GRIK3: variants seen among roughly 807,000 people sequenced by gnomAD.
The protein encoded by GRIK3 is glutamate ionotropic receptor kainate type subunit 3.
In GRIK3, 29 loss-of-function variants were observed where a neutral mutation model predicts 102.5. The observed-to-expected ratio is 0.28, with a 90% confidence interval of 0.21 to 0.39. The LOEUF is 0.39. GRIK3 is among the 10% of genes least tolerant of loss of function. The pLI is 1.00. For synonymous variants in GRIK3, 511 were observed against 504.9 expected (o/e 1.01, Z -0.16); for missense variants, 908 against 1,252.4 (o/e 0.73, Z 4.15).
chr1:36,924,113 C>T (rs916857166), intron 1 of GRIK3, among the ~76,000 whole-genome samples: 1 of 152,212 alleles, frequency 6.6e-6, no homozygotes, highest in Admixed American at 6.5e-5. Context: ...AGGGAGGGCA[C>T]TGCCAGGGCA....
At chr1:36,856,591 G>T (rs945814853) in intron 7 of GRIK3, among the ~76,000 whole-genome samples, 1 of 152,212 alleles carries the variant, frequency 6.6e-6, no homozygotes, top group Non-Finnish European at 1.5e-5. Flanking sequence ...TCTGAGGTTC[G>T]GTTGTGGCCA....
intron 1 of GRIK3, among the ~76,000 whole-genome samples, chr1:36,907,694 C>T (rs1500788): frequency 0.84 from 127,189 of 151,996 alleles, 54,354 homozygotes; most frequent in Admixed American, 0.92. Flanking sequence ...GAGGCTGCCC[C>T]TCCACCCCCA....
rs115500320 is a variant in GRIK3 at position 36,898,190 on chromosome 1, G to A, written c.116-7094C>T. Among the ~76,000 whole-genome samples, 796 of 152,136 alleles carry A rather than the reference G, an allele frequency of 5.2e-3. 2 individuals carry two copies. The highest frequency in any genetic ancestry group is 0.018 in the African/African-American group (760 of 41,508). On this transcript the variant is annotated intron_variant, in intron 1 of 15. Transcript: ENST00000373091. ...TTAATAGGTACAAAATAGATAACTA[G>A]AAAGAATTAATAAGACCTAGTATTT...
At position 36,801,964 on chromosome 1, in the gene GRIK3, G is replaced by T. The variant is rs762224911; in HGVS notation, c.2647C>A (p.Pro883Thr). 1 of 1,613,974 alleles carries T rather than the reference G, an allele frequency of 6.2e-7. No individual in the cohort carries two copies. Among genetic ancestry groups the T allele is most frequent in the East Asian group, 2.2e-5 (1 of 44,896 alleles). The change falls in exon 16 of 16, where the codon CCC (proline) becomes ACC (threonine). Residue 883 changes from proline to threonine, a missense_variant. Pro to Thr is a conservative substitution (Grantham distance 38). This residue lies in a region of GRIK3 where 297 missense variants were observed against 362.7 expected (regional missense o/e 0.82). Transcript: ENST00000373091. Reference protein sequence around the residue: ...QRRVKHKPQPPMMVKTDAVIN... With the variant: ...QRRVKHKPQPTMMVKTDAVIN... Reference sequence around the variant, plus strand: ...ACGGCGTCAGTCTTGACCATCATGGGAGGCTGAGGCTTGTGCTTGACTCGA... The same window carrying T: ...ACGGCGTCAGTCTTGACCATCATGGTAGGCTGAGGCTTGTGCTTGACTCGA...
intron 1 of GRIK3, among the ~76,000 whole-genome samples, chr1:36,963,672 G>A (rs1185508187): frequency 6.6e-6 from 1 of 152,202 alleles, no homozygotes; most frequent in Admixed American, 6.5e-5. Context: ...TCTATAAAGA[G>A]GAGTGAGAGT....
At chr1:36,802,114 C>A in intron 15 of GRIK3, 69 bp from the exon 16 acceptor site, 1 of 1,104,378 alleles carries the variant, frequency 9.1e-7, no homozygotes, top group Non-Finnish European at 1.3e-6. Context: ...CAACTCCAGC[C>A]AGTTCCTCCC....
At chr1:36,938,662 C>T (rs776121544) in intron 1 of GRIK3, among the ~76,000 whole-genome samples, 9 of 152,130 alleles carry the variant, frequency 5.9e-5, no homozygotes, top group Non-Finnish European at 7.4e-5. Context: ...CCCCCAGCCC[C>T]ACCTCTTTTA....
At chr1:36,940,170 G>C (rs534589695) in intron 1 of GRIK3, among the ~76,000 whole-genome samples, 1 of 152,244 alleles carries the variant, frequency 6.6e-6, no homozygotes, top group African/African-American at 2.4e-5. Flanking sequence ...TCATGGAGAG[G>C]AAATGGAGGC....
chr1:36,998,707 C>G (rs1347999336), intron 1 of GRIK3, among the ~76,000 whole-genome samples: 1 of 152,140 alleles, frequency 6.6e-6, no homozygotes, highest in Non-Finnish European at 1.5e-5. Context: ...CAGAGAAGCC[C>G]CCTTTACTTC....
At chr1:36,843,579 C>T (rs942219859) in intron 9 of GRIK3, among the ~76,000 whole-genome samples, 5 of 152,176 alleles carry the variant, frequency 3.3e-5, no homozygotes, top group Admixed American at 2.0e-4. Flanking sequence ...CCTGTCTGTT[C>T]CCTGGGGTCA....
At chr1:37,017,899 T>A (rs1642670954) in intron 1 of GRIK3, among the ~76,000 whole-genome samples, 1 of 152,164 alleles carries the variant, frequency 6.6e-6, no homozygotes. Flanking sequence ...GATGGATGGG[T>A]AATGAGTCCT....
At chr1:36,961,710 C>A (rs1046978317) in intron 1 of GRIK3, among the ~76,000 whole-genome samples, 5 of 152,248 alleles carry the variant, frequency 3.3e-5, no homozygotes, top group Non-Finnish European at 1.5e-5. Flanking sequence ...TCGATGAAAT[C>A]ATTTTGCCGA....
chr1:36,833,095 G>A (rs529723571), intron 10 of GRIK3, among the ~76,000 whole-genome samples: 82 of 152,298 alleles, frequency 5.4e-4, no homozygotes, highest in African/African-American at 1.7e-3. Context: ...AGGGATTAAC[G>A]CAAAGCCTGG....
rs113675286 is a variant in GRIK3, at chr1:36,931,776, G to A, written c.116-40680C>T. 4.1e-3 allele frequency among the ~76,000 whole-genome samples: 630 copies of A among 152,104 alleles called. 6 individuals are homozygous for A. Among genetic ancestry groups the A allele is most frequent in the African/African-American group, 0.015 (605 of 41,498 alleles). ...CGGCGTGTGCAGCCCCTTCTGTCTG[G>A]GTCTCAATGCTGTGTCTCTGGCATC... is the stretch of plus-strand genomic sequence containing the variant. On this transcript the variant is annotated intron_variant, in intron 1 of 15. Transcript: ENST00000373091.
chr1:36,820,761 C>T (rs1054083839), intron 11 of GRIK3, among the ~76,000 whole-genome samples: 4 of 152,060 alleles, frequency 2.6e-5, no homozygotes, highest in South Asian at 2.1e-4. Context: ...GAGAACAATG[C>T]GTTATATAAT....
intron 1 of GRIK3, among the ~76,000 whole-genome samples, chr1:36,953,692 C>A (rs1397411182): frequency 6.6e-6 from 1 of 151,946 alleles, no homozygotes; most frequent in Non-Finnish European, 1.5e-5. Context: ...CACAGGTTTC[C>A]AGCTCACGGA....
intron 1 of GRIK3, among the ~76,000 whole-genome samples, chr1:36,967,079 C>G (rs116677687): frequency 1.3e-5 from 2 of 152,310 alleles, no homozygotes; most frequent in Non-Finnish European, 2.9e-5. Flanking sequence ...GAGACAACAT[C>G]TCACACAGTT....
At chr1:36,883,394 C>A (rs1220810231) in intron 2 of GRIK3, among the ~76,000 whole-genome samples, 4 of 152,174 alleles carry the variant, frequency 2.6e-5, no homozygotes, top group African/African-American at 9.7e-5. Context: ...CCATAAGGGG[C>A]CTTGCATTCT....
intron 1 of GRIK3, among the ~76,000 whole-genome samples, chr1:37,008,101 C>A (rs1394360647): frequency 6.6e-6 from 1 of 152,210 alleles, no homozygotes; most frequent in Non-Finnish European, 1.5e-5. Context: ...ATGTCCCCTC[C>A]CAGCACGCGG....
Sources: allele counts gnomAD v4.1 joint callset (sites outside exome capture counted in the v4.1 genomes callset), GRCh38; gene constraint gnomAD v4.1.1; regional missense constraint gnomAD v4.1.1; transcripts MANE v1.5; gene names NCBI Gene and HGNC (gene_info 2026-07-23, HGNC 2026-07-21).